Variants in AHDC1 observed in about 807,000 individuals in gnomAD.
The protein encoded by AHDC1 is AT-hook DNA binding motif containing 1.
Under a neutral mutation model 87.9 loss-of-function variants are expected in AHDC1, and 7 were observed. The observed-to-expected ratio is 0.08, with a 90% CI of 0.05 to 0.15. AHDC1 has a LOEUF of 0.15. Among genes scored for constraint, AHDC1 ranks in the 10% least tolerant of loss-of-function variants. AHDC1 has a pLI of 1.00. For synonymous variants in AHDC1, 1,051 were observed against 1,006.8 expected, an observed-to-expected ratio of 1.04 and a Z score of -0.83; for missense variants, 1,841 against 2,253.2, an observed-to-expected ratio of 0.82 and a Z score of 3.70.
intron 3 of AHDC1, among the ~76,000 whole-genome samples, chr1:27,567,185 G>A (rs989472720): frequency 1.3e-5 from 2 of 152,134 alleles, no homozygotes; most frequent in African/African-American, 2.4e-5. Context: ...CCTGCATGCT[G>A]CTGCTTGCTG....
chr1:27,570,479 G>A (rs2020518814), intron 3 of AHDC1, among the ~76,000 whole-genome samples: 2 of 152,008 alleles, frequency 1.3e-5, no homozygotes, highest in Admixed American at 1.3e-4. Flanking sequence ...CTGGGTCCCC[G>A]CCCAGGTCTC....
chr1:27,551,138 C>A lies in AHDC1; in HGVS notation c.978G>T (p.Ser326=). The A allele has an allele frequency of 6.3e-7, 1 of 1,597,570 alleles. No individual in the cohort carries two copies. The highest frequency in any genetic ancestry group is 1.1e-5 in the South Asian group (1 of 89,842). ...CGAGTGCCTGGGGGTCAAGCAGCTG[C>A]GACTCCAAGGAGTCAGGCAGGGTGT... ...ALDTLPDSLE[S]QLLDPQALDP... Residue 326 remains serine (S), a synonymous_variant, in exon 8 of 9, where the codon TCG becomes TCT. Coordinates refer to ENST00000673934, the MANE Select transcript of AHDC1 (RefSeq NM_001371928.1).
intron 3 of AHDC1, among the ~76,000 whole-genome samples, chr1:27,571,105 A>C (rs2020548395): frequency 6.6e-6 from 1 of 152,156 alleles, no homozygotes. Context: ...CTGTGGCCAG[A>C]CCCAGTGTGG....
intron 8 of AHDC1, among the ~76,000 whole-genome samples, chr1:27,543,267 C>G (rs1294611360): frequency 6.6e-6 from 1 of 152,256 alleles, no homozygotes; most frequent in African/African-American, 2.4e-5. Context: ...CCCCTGTCCC[C>G]AGGGTCTGAT....
At position 27,550,872 on chromosome 1, in the gene AHDC1, G is replaced by C. The variant is rs945089944; in HGVS notation, c.1244C>G (p.Pro415Arg). ...ADAGPEGRLL[P>R]LPMPTGLVAA... ...CACCAGCCCCGTGGGCATAGGCAGGGGCAGTAGGCGGCCCTCGGGTCCGGC... is the reference window on the plus strand; with the variant it reads ...CACCAGCCCCGTGGGCATAGGCAGGCGCAGTAGGCGGCCCTCGGGTCCGGC... The change falls in exon 8 of 9, where the codon CCC becomes CGC. Residue 415 changes from proline (P) to arginine (R), a missense_variant. Physicochemically the swap from Pro to Arg is moderately radical, Grantham distance 103. Around this residue, in one of 13 missense-constraint regions of AHDC1, gnomAD observed 370 missense variants for 391.5 expected, o/e 0.95. Transcript: ENST00000673934. 4 of 1,581,074 alleles carry C rather than the reference G, an allele frequency of 2.5e-6. No individual in the cohort carries two copies. The African/African-American group carries it at 4.0e-5, about 16-fold the overall frequency.
chr1:27,561,833 C>T lies in AHDC1; in HGVS notation c.-628-2950G>A, dbSNP rs150892151. 1.4e-3 allele frequency among the ~76,000 whole-genome samples: 215 copies of T among 151,938 alleles called. 6 individuals are homozygous for T. In the East Asian group the frequency reaches 0.029, roughly 21 times the overall value. ...AAAGACAGAAACTGGAAGACGGGCA[C>T]GCACAAACACAAAAGCAGAGACGGA... is the stretch of plus-strand genomic sequence containing the variant. On this transcript the variant is annotated intron_variant, in intron 3 of 8. Coordinates refer to ENST00000673934, the MANE Select transcript of AHDC1 (RefSeq NM_001371928.1). The surrounding 1 kb of genome is among the most constrained non-coding windows in gnomAD (Gnocchi z 4.2).
In AHDC1 at chr1:27,550,316, G is replaced by C; in HGVS notation, c.1800C>G (p.Ser600=). 6.2e-7 allele frequency: 1 copy of C among 1,614,098 alleles called. No homozygotes were observed. Among genetic ancestry groups the C allele is most frequent in the Non-Finnish European group, 8.5e-7 (1 of 1,179,984 alleles). Residue 600 remains serine, a synonymous_variant, in exon 8 of 9, where the codon TCC becomes TCG. Coordinates refer to ENST00000673934, the MANE Select transcript of AHDC1 (RefSeq NM_001371928.1). ...RKQKLASPQP[S]YAADANDSKA... ...TGCTGTCGTTGGCGTCTGCTGCATA[G>C]GATGGCTGGGGAGATGCCAGCTTCT...
chr1:27,544,351 AC>A (rs2019072364), intron 8 of AHDC1, among the ~76,000 whole-genome samples: 1 of 151,520 alleles, frequency 6.6e-6, no homozygotes, highest in African/African-American at 2.4e-5. Context: ...GCCTCTGGGC[AC>A]CTGCCACTCT....
chr1:27,589,289 G>A (rs1240872009), intron 3 of AHDC1, among the ~76,000 whole-genome samples: 1 of 152,166 alleles, frequency 6.6e-6, no homozygotes, highest in Non-Finnish European at 1.5e-5. Flanking sequence ...CTTTGTCTTT[G>A]TCTGTGTCCG....
chr1:27,540,674 AG>A (rs2018863593), intron 8 of AHDC1, among the ~76,000 whole-genome samples: 1 of 152,140 alleles, frequency 6.6e-6, no homozygotes, highest in Admixed American at 6.5e-5. Context: ...CACCCAGGCC[AG>A]GAACAGCAAA....
chr1:27,569,312 CTCA>C (rs1260293237), intron 3 of AHDC1, among the ~76,000 whole-genome samples: 1 of 152,134 alleles, frequency 6.6e-6, no homozygotes, highest in African/African-American at 2.4e-5. Context: ...TGTGCCAATC[CTCA>C]TCATCACCCT....
rs1374777846 is a variant in AHDC1, at chr1:27,586,691, A to C, written c.-629+16706T>G. Among the ~76,000 whole-genome samples, 4 of 152,202 alleles carry C rather than the reference A, an allele frequency of 2.6e-5. No homozygotes were observed. The East Asian group carries it at 5.8e-4, about 22-fold the overall frequency. On this transcript the variant is annotated intron_variant, in intron 3 of 8. Transcript: ENST00000673934. ...AACTCCCGGCAACCCCAAATATCAA[A>C]GGCAGAGCCCAGCTACCCATAGGCA...
upstream of AHDC1, chr1:27,604,164 G>C (rs1447928615): frequency 1.3e-5 from 2 of 153,556 alleles, no homozygotes; most frequent in Non-Finnish European, 2.9e-5. Context: ...CCTTACCTTC[G>C]CCGCTCACCA....
In AHDC1 at chr1:27,552,272, C is replaced by T. The variant is rs2019613039; in HGVS notation, c.-74-83G>A. The T allele has an allele frequency of 7.8e-6, 10 of 1,276,698 alleles. No individual in the cohort carries two copies. In the Admixed American group the frequency reaches 1.4e-4, roughly 18 times the overall value. 79.1% of individuals were successfully genotyped at this position (1,276,698 alleles called of 1,614,324 possible). A position where few individuals can be genotyped will look rare whatever the true frequency, so the allele number is the denominator to read the frequency against. On this transcript the variant is annotated intron_variant, in intron 7 of 8. Coordinates refer to ENST00000673934, the MANE Select transcript of AHDC1 (RefSeq NM_001371928.1). ...CCCATATCCTTGATGAGCTCCTGGA[C>T]CCCTCCCTCCTGAGGTCTCATCTCC... is the stretch of plus-strand genomic sequence containing the variant.
intron 3 of AHDC1, among the ~76,000 whole-genome samples, chr1:27,572,620 C>T (rs2088570281): frequency 6.6e-6 from 1 of 152,236 alleles, no homozygotes; most frequent in African/African-American, 2.4e-5. Flanking sequence ...AACAGTGCCA[C>T]TCAGCTCAAC....
chr1:27,542,710 C>T (rs1296552953), intron 8 of AHDC1, among the ~76,000 whole-genome samples: 4 of 152,236 alleles, frequency 2.6e-5, no homozygotes, highest in African/African-American at 9.6e-5. Flanking sequence ...TCTGTGTCCA[C>T]AGGCAGGCTC....
rs781600789 is a variant in AHDC1, at chr1:27,560,382, C to T, written c.-628-1499G>A. 3.9e-4 allele frequency among the ~76,000 whole-genome samples: 59 copies of T among 152,130 alleles called. No individual in the cohort carries two copies. The highest frequency in any genetic ancestry group is 6.8e-4 in the Non-Finnish European group (46 of 68,024). ...CGCTGTGTCAGGAGCCAAACCGGCTCCTGCCTGTCTCAGAGCTCTCTGGAT... is the reference window on the plus strand; with the variant it reads ...CGCTGTGTCAGGAGCCAAACCGGCTTCTGCCTGTCTCAGAGCTCTCTGGAT... On this transcript the variant is annotated intron_variant, in intron 3 of 8. Coordinates refer to ENST00000673934, the MANE Select transcript of AHDC1 (RefSeq NM_001371928.1). The surrounding 1 kb of genome is among the most constrained non-coding windows in gnomAD (Gnocchi z 4.1).
At chr1:27,596,332 G>C (rs1291407114) in intron 3 of AHDC1, among the ~76,000 whole-genome samples, 1 of 152,088 alleles carries the variant, frequency 6.6e-6, no homozygotes, top group Non-Finnish European at 1.5e-5. Flanking sequence ...CTGCCTGGAG[G>C]GCAGCACTGC....
chr1:27,559,937 C>G lies in AHDC1; in HGVS notation c.-628-1054G>C, dbSNP rs1200678508. Among the ~76,000 whole-genome samples the G allele has an allele frequency of 3.9e-5, 6 of 152,194 alleles. 1 individual carries two copies. The South Asian group carries it at 6.2e-4, about 16-fold the overall frequency. ...GTGCAAATGCATATCTGTCAAGGCT[C>G]AGCTGTCTGGGTAAATATACCTGTA... On this transcript the variant is annotated intron_variant, in intron 3 of 8. Transcript: ENST00000673934.
Sources: allele counts gnomAD v4.1 joint callset (sites outside exome capture counted in the v4.1 genomes callset), GRCh38; gene constraint gnomAD v4.1.1; regional missense constraint gnomAD v4.1.1; non-coding constraint Gnocchi (gnomAD v3.1); transcripts MANE v1.5; gene names NCBI Gene and HGNC (gene_info 2026-07-23, HGNC 2026-07-21).